COL4A5: variants seen among roughly 807,000 people sequenced by gnomAD.
COL4A5 encodes collagen type IV alpha 5 chain.
A neutral mutation model predicts 130.2 loss-of-function variants in COL4A5; 26 were observed. The ratio of observed to expected loss-of-function variants is 0.20; its 90% confidence interval spans 0.15 to 0.28. The LOEUF is 0.28. COL4A5 is among the 10% of genes least tolerant of loss of function. The pLI is 1.00. For synonymous variants in COL4A5, 496 were observed against 439.6 expected (o/e 1.13, Z -1.60); for missense variants, 1,131 against 1,344.3 (o/e 0.84, Z 2.48).
rs1276860807 is a variant in COL4A5 at position 108,440,201 on chromosome X, G to A, written c.76G>A (p.Ala26Thr). 4 of 1,189,777 alleles carry A rather than the reference G, an allele frequency of 3.4e-6. No individual in the cohort carries two copies. Among genetic ancestry groups the A allele is most frequent in the Non-Finnish European group, 4.5e-6 (4 of 880,045 alleles). The part of the protein sequence containing the change: ...ALSLWGQPAE[A>T]AACYGCSPGS... ...GAGTCTTTGGGGGCAGCCTGCAGAG[G>A]CTGCGGTAAGTCCTTCCTCCCCTCC... The change falls in exon 1 of 53, where the codon GCT becomes ACT. Residue 26 changes from alanine to threonine, a missense_variant. By Grantham distance (58) the Ala-to-Thr change is moderately conservative (BLOSUM62 0). Transcript: ENST00000328300.
In COL4A5 at chrX:108,566,634, C is replaced by G. The variant is rs761177496; in HGVS notation, c.277-1995C>G. 2.7e-5 allele frequency among the ~76,000 whole-genome samples: 3 copies of G among 110,089 alleles called. No individual in the cohort carries two copies. In the Admixed American group the frequency reaches 2.9e-4, roughly 11 times the overall value. The stretch of plus-strand genomic sequence containing the variant: ...CGCGATCTTGGCTCACTGCAAGCTC[C>G]GCCTCCCGGGTTCACGCCATTCTCC... On this transcript the variant is annotated intron_variant, in intron 4 of 52. Transcript: ENST00000328300.
At chrX:108,604,954 T>A (rs189193704) in intron 28 of COL4A5, among the ~76,000 whole-genome samples, 13 of 112,260 alleles carry the variant, frequency 1.2e-4, no homozygotes, top group African/African-American at 3.6e-4. Flanking sequence ...CTTCAGATAA[T>A]TGAAGTTAGG....
chrX:108,660,169 A>G (rs759105303), intron 37 of COL4A5, among the ~76,000 whole-genome samples: 2 of 112,008 alleles, frequency 1.8e-5, no homozygotes, highest in Non-Finnish European at 3.8e-5. Flanking sequence ...TTTACATATA[A>G]TGTTCTTTTG....
chrX:108,526,717 CT>C lies in COL4A5; in HGVS notation c.82-13026del, dbSNP rs1385259710. ...TCTTTCTTTCTTTCTTTCTTTCTTTCTTTCTTTCTTCCTCCTCCTCCTCCTT... is the reference window on the plus strand; with the variant it reads ...TCTTTCTTTCTTTCTTTCTTTCTTTCTTCTTTCTTCCTCCTCCTCCTCCTT... On this transcript the variant is annotated intron_variant, in intron 1 of 52. Coordinates refer to ENST00000328300, the MANE Select transcript of COL4A5 (RefSeq NM_033380.3). Among the ~76,000 whole-genome samples the C allele has an allele frequency of 7.0e-5, 6 of 86,182 alleles. No homozygotes were observed. The Admixed American group carries it at 8.2e-4, about 12-fold the overall frequency. The allele number at this position is 86,182 out of a possible 115,157, so 74.8% of individuals were successfully genotyped here. A position where few individuals can be genotyped will look rare whatever the true frequency, so the allele number is the denominator to read the frequency against.
rs768580195 is a variant in COL4A5, at chrX:108,571,434, A to G, written c.406A>G (p.Ser136Gly). 323 of 1,203,478 alleles carry G rather than the reference A, an allele frequency of 2.7e-4. 2 individuals are homozygous for G. The South Asian group carries it at 5.5e-3, about 20-fold the overall frequency. ...CTAGGGAGAACGTGGATTTCCAGGC[A>G]GTCCCGGTTTTCCTGGTTTACAGGG... ...GTKGERGFPG[S>G]PGFPGLQGPP... Residue 136 changes from serine to glycine, a missense_variant, in exon 7 of 53, where the codon AGT (serine) becomes GGT (glycine). By Grantham distance (56) the Ser-to-Gly change is moderately conservative. Coordinates refer to ENST00000328300, the MANE Select transcript of COL4A5 (RefSeq NM_033380.3).
At chrX:108,455,577 G>A (rs1379101586) in intron 1 of COL4A5, among the ~76,000 whole-genome samples, 3 of 111,908 alleles carry the variant, frequency 2.7e-5, no homozygotes, top group Non-Finnish European at 3.8e-5. Context: ...CCTCATGCCC[G>A]TCCCATTTCA....
intron 1 of COL4A5, among the ~76,000 whole-genome samples, chrX:108,469,427 G>T (rs910841034): frequency 9.1e-6 from 1 of 110,305 alleles, no homozygotes; most frequent in Non-Finnish European, 1.9e-5. Context: ...TTACAGGGAT[G>T]AGTCATCATG....
At chrX:108,508,261 G>A (rs1009250716) in intron 1 of COL4A5, among the ~76,000 whole-genome samples, 1 of 110,483 alleles carries the variant, frequency 9.1e-6, no homozygotes, top group Non-Finnish European at 1.9e-5. Context: ...ACCAAGAGCC[G>A]AATCAGGAAG....
At chrX:108,668,532 T>A (rs766521293) in intron 41 of COL4A5, 28 bp downstream of exon 41, 1 of 1,094,332 alleles carries the variant, frequency 9.1e-7, no homozygotes, top group Non-Finnish European at 1.2e-6. Context: ...AGGAGAATGG[T>A]CTATTTATTA....
chrX:108,456,620 CT>C (rs1179860221), intron 1 of COL4A5, among the ~76,000 whole-genome samples: 1 of 109,936 alleles, frequency 9.1e-6, no homozygotes, highest in Admixed American at 9.7e-5. Flanking sequence ...TAAAGAATGA[CT>C]TTTTTTTTGC....
chrX:108,537,301 GAATA>G (rs2065470297), intron 1 of COL4A5, among the ~76,000 whole-genome samples: 1 of 110,885 alleles, frequency 9.0e-6, no homozygotes, highest in African/African-American at 3.3e-5. Context: ...AACCTAGGTG[GAATA>G]AATAGACTAT....
intron 2 of COL4A5, among the ~76,000 whole-genome samples, chrX:108,549,891 G>T (rs1478329465): frequency 9.0e-6 from 1 of 111,578 alleles, no homozygotes; most frequent in South Asian, 3.7e-4. Flanking sequence ...AAATCACTTT[G>T]TAACAATAAA....
chrX:108,503,414 A>G (rs1080801), intron 1 of COL4A5, among the ~76,000 whole-genome samples: 2 of 112,049 alleles, frequency 1.8e-5, no homozygotes, highest in African/African-American at 6.5e-5. Context: ...AGTCAGAGCA[A>G]TTAAGCAAGA....
chrX:108,625,469 G>A (rs2067135921), intron 34 of COL4A5, among the ~76,000 whole-genome samples: 1 of 111,816 alleles, frequency 8.9e-6, no homozygotes, highest in Non-Finnish European at 1.9e-5. Context: ...AGGTGTTCTG[G>A]TAACTTTTTA....
chrX:108,518,708 A>T (rs939341558), intron 1 of COL4A5, among the ~76,000 whole-genome samples: 1 of 111,766 alleles, frequency 8.9e-6, no homozygotes, highest in African/African-American at 3.2e-5. Context: ...CTACATCAGT[A>T]TCGATGAATT....
intron 2 of COL4A5, among the ~76,000 whole-genome samples, chrX:108,556,763 A>G (rs2065827770): frequency 9.0e-6 from 1 of 110,940 alleles, no homozygotes; most frequent in Non-Finnish European, 1.9e-5. Context: ...TCCCATCCCC[A>G]CCACATCCTC....
intron 40 of COL4A5, 137 bp downstream of exon 40, chrX:108,667,320 G>A (rs1020775058): frequency 1.1e-4 from 59 of 535,541 alleles, no homozygotes; most frequent in Non-Finnish European, 1.7e-4. Context: ...TAGTGTTAAC[G>A]TTAAAACATT....
At chrX:108,668,056 C>G (rs2068120842) in intron 40 of COL4A5, among the ~76,000 whole-genome samples, 1 of 111,473 alleles carries the variant, frequency 9.0e-6, no homozygotes, top group South Asian at 3.7e-4. Flanking sequence ...TATCATTGCT[C>G]TGTCTTAACA....
chrX:108,695,084 A>G (rs1440680287), intron 51 of COL4A5, 163 bp downstream of exon 51: 2 of 675,681 alleles, frequency 3.0e-6, no homozygotes, highest in East Asian at 3.4e-5. Context: ...TTTTTGTAAC[A>G]TATTTTCATA....
Sources: allele counts gnomAD v4.1 joint callset (sites outside exome capture counted in the v4.1 genomes callset), GRCh38; gene constraint gnomAD v4.1.1; transcripts MANE v1.5; gene names NCBI Gene and HGNC (gene_info 2026-07-23, HGNC 2026-07-21).